The following FGF1 variants were observed in gnomAD, a reference collection of about 807,000 sequenced individuals.
FGF1 encodes the protein beta-endothelial cell growth factor.
FGF1 carries 9 observed loss-of-function variants against 13.4 expected under a neutral mutation model. The ratio of observed to expected loss-of-function variants is 0.67; its 90% CI spans 0.40 to 1.17. The LOEUF (loss-of-function observed/expected upper bound fraction) is 1.17, where lower values mean the gene tolerates loss of function less well. Ranked by LOEUF, FGF1 falls within the 50% of genes most tolerant of loss-of-function variation. The pLI is 0.01. For missense variants in FGF1, 156 were observed against 192.7 expected (o/e 0.81, Z 1.13); for synonymous variants, 93 against 79.0 (o/e 1.18, Z -0.94).
intron 1 of FGF1, among the ~76,000 whole-genome samples, chr5:142,629,135 G>A (rs1272468239): frequency 6.6e-6 from 1 of 152,140 alleles, no homozygotes; most frequent in African/African-American, 2.4e-5. Flanking sequence ...AATGTAGGAA[G>A]TTTGATAGGC....
intron 1 of FGF1, among the ~76,000 whole-genome samples, chr5:142,631,800 T>A (rs1763421140): frequency 8.7e-6 from 1 of 115,146 alleles, no homozygotes; most frequent in South Asian, 2.9e-4. Context: ...TTTTTTTTTT[T>A]TGAGACGGAG....
intron 2 of FGF1, among the ~76,000 whole-genome samples, chr5:142,605,779 C>T (rs1481918587): frequency 6.6e-6 from 1 of 152,208 alleles, no homozygotes; most frequent in South Asian, 2.1e-4. Flanking sequence ...GCAAGTAGGG[C>T]TGGCAGGAAG....
intron 1 of FGF1, among the ~76,000 whole-genome samples, chr5:142,636,472 T>C (rs1410864115): frequency 2.0e-5 from 3 of 152,246 alleles, no homozygotes; most frequent in African/African-American, 7.2e-5. Flanking sequence ...ATTCATTCAC[T>C]TGTCACATAT....
chr5:142,631,680 C>A (rs912218717), intron 1 of FGF1, among the ~76,000 whole-genome samples: 20 of 152,218 alleles, frequency 1.3e-4, no homozygotes, highest in Non-Finnish European at 2.8e-4. Context: ...CAGGGGTTAA[C>A]ACCCGTTGCC....
intron 1 of FGF1, among the ~76,000 whole-genome samples, chr5:142,658,217 T>G (rs1768521791): frequency 6.6e-6 from 1 of 152,242 alleles, no homozygotes. Context: ...TGATTCTACC[T>G]AAATATTTCT....
intron 1 of FGF1, among the ~76,000 whole-genome samples, chr5:142,620,269 T>C (rs1252999594): frequency 6.6e-6 from 1 of 151,842 alleles, no homozygotes; most frequent in African/African-American, 2.4e-5. Context: ...TACAAAAAAA[T>C]TAGCTGGGCA....
intron 1 of FGF1, among the ~76,000 whole-genome samples, chr5:142,650,125 G>A (rs139673101): frequency 1.2e-4 from 18 of 152,328 alleles, no homozygotes; most frequent in African/African-American, 3.8e-4. Context: ...CAGTTTGGGA[G>A]GCACTGGATA....
rs573139979 is a variant in FGF1 at position 142,635,865 on chromosome 5, G to C, written c.-34-21704C>G. Among the ~76,000 whole-genome samples, 8 of 152,300 alleles carry C rather than the reference G, an allele frequency of 5.3e-5. No homozygotes were observed. The East Asian group carries it at 1.5e-3, about 29-fold the overall frequency. On this transcript the variant is annotated intron_variant, in intron 1 of 3. Coordinates refer to ENST00000337706, the MANE Select transcript of FGF1 (RefSeq NM_000800.5). ...AGTGCAGCCTAGAAAGGAAGGGAAG[G>C]CTTGATTATTTTTCTCTTTTTAGCA... is the stretch of plus-strand genomic sequence containing the variant.
intron 1 of FGF1, among the ~76,000 whole-genome samples, chr5:142,620,012 T>C (rs1761203295): frequency 6.6e-6 from 1 of 152,084 alleles, no homozygotes; most frequent in South Asian, 2.1e-4. Context: ...TACTGTTTTT[T>C]TTTTAACTCC....
At chr5:142,600,563 G>C in intron 3 of FGF1, 139 bp downstream of exon 3, 1 of 680,406 alleles carries the variant, frequency 1.5e-6, no homozygotes, top group South Asian at 1.7e-5. Flanking sequence ...ATAAAGCAGA[G>C]TGAGGGTGGG....
chr5:142,651,829 ATTTT>A (rs776252481), intron 1 of FGF1, among the ~76,000 whole-genome samples: 1 of 139,860 alleles, frequency 7.2e-6, no homozygotes, highest in African/African-American at 2.6e-5. Flanking sequence ...TTGGTAGCTC[ATTTT>A]TTTTTTTTTT....
chr5:142,668,132 G>A (rs1207617699), intron 1 of FGF1, among the ~76,000 whole-genome samples: 2 of 152,330 alleles, frequency 1.3e-5, no homozygotes, highest in Middle Eastern at 3.4e-3. Flanking sequence ...CTTGTTAAAT[G>A]TCTCCTCCCA....
upstream of FGF1, among the ~76,000 whole-genome samples, chr5:142,688,755 T>TCATC (rs1261908116): frequency 6.6e-6 from 1 of 152,204 alleles, no homozygotes; most frequent in Admixed American, 6.5e-5. Context: ...TGCCCCGGAG[T>TCATC]CATCCACATC....
intron 1 of FGF1, among the ~76,000 whole-genome samples, chr5:142,653,508 C>T (rs1395482464): frequency 6.6e-6 from 1 of 152,184 alleles, no homozygotes; most frequent in African/African-American, 2.4e-5. Flanking sequence ...GCCATACCAG[C>T]CTTGATTTGG....
At chr5:142,623,408 G>A (rs181539822) in intron 1 of FGF1, among the ~76,000 whole-genome samples, 12 of 151,472 alleles carry the variant, frequency 7.9e-5, no homozygotes, top group Non-Finnish European at 1.8e-4. Flanking sequence ...GCAGTGGTGC[G>A]ATCTCTGCTC....
In FGF1 at chr5:142,592,319, G is replaced by A. The variant is rs1163242322; in HGVS notation, c.*2971C>T. 6 of 398,456 alleles carry A rather than the reference G, an allele frequency of 1.5e-5. No individual in the cohort carries two copies. The highest frequency in any genetic ancestry group is 4.4e-5 in the Admixed American group (1 of 22,714). 24.7% of individuals were successfully genotyped at this position (398,456 alleles called of 1,614,324 possible). A position where few individuals can be genotyped will look rare whatever the true frequency, so the allele number is the denominator to read the frequency against. On this transcript the variant is annotated 3_prime_UTR_variant, in exon 4 of 4. Transcript: ENST00000337706. ...TTTAGTTGTCAGCAGTACACTCAAG[G>A]CTGAGGACTTGGCGCCTTGGGTTCC...
chr5:142,693,949 G>A (rs1023606667), intron 2 of FGF1, among the ~76,000 whole-genome samples: 2 of 151,454 alleles, frequency 1.3e-5, no homozygotes, highest in African/African-American at 4.9e-5. Flanking sequence ...TGTTTCTTCT[G>A]TTTGGCTATT....
intron 2 of FGF1, among the ~76,000 whole-genome samples, chr5:142,603,541 G>T (rs563224877): frequency 9.2e-5 from 14 of 152,338 alleles, no homozygotes; most frequent in African/African-American, 2.9e-4. Context: ...GAAGGGCAGA[G>T]ATCTTGTCCT....
chr5:142,609,884 A>G (rs1274994426), intron 2 of FGF1, among the ~76,000 whole-genome samples: 2 of 152,258 alleles, frequency 1.3e-5, no homozygotes, highest in Non-Finnish European at 2.9e-5. Context: ...TAACTGTCCC[A>G]GGATGATACA....
Sources: gnomAD v4.1 joint callset for allele counts (sites outside exome capture counted in the v4.1 genomes callset) on GRCh38, gnomAD v4.1.1 for gene constraint, MANE v1.5 for transcripts, NCBI Gene and HGNC (gene_info 2026-07-23, HGNC 2026-07-21) for gene names.